Variants in GRIP1 observed in about 807,000 individuals in gnomAD.
GRIP1 encodes the protein glutamate receptor-interacting protein 1.
In GRIP1, 45 loss-of-function variants were observed where a neutral mutation model predicts 129.9. The observed-to-expected ratio is 0.35, with a 90% confidence interval of 0.27 to 0.44. The LOEUF (loss-of-function observed/expected upper bound fraction) is 0.44, where lower values mean the gene tolerates loss of function less well. Ranked by LOEUF, GRIP1 falls within the 20% of genes least tolerant of loss-of-function variation. The probability of loss-of-function intolerance (pLI) is 1.00; values close to 1 mark genes in which losing one functional copy is unlikely to be tolerated. For missense variants in GRIP1, 1,196 were observed against 1,396.8 expected (o/e 0.86, Z 2.29); for synonymous variants, 530 against 520.8 (o/e 1.02, Z -0.24).
chr12:66,714,865 C>A (rs1377389074), intron 1 of GRIP1, among the ~76,000 whole-genome samples: 2 of 146,852 alleles, frequency 1.4e-5, no homozygotes, highest in Admixed American at 1.4e-4. Flanking sequence ...TACCAACTCA[C>A]CCATCTATCC....
chr12:66,653,279 C>A (rs1182939771), intron 1 of GRIP1, among the ~76,000 whole-genome samples: 3 of 152,206 alleles, frequency 2.0e-5, no homozygotes, highest in African/African-American at 7.2e-5. Context: ...CCAAATATCT[C>A]TTTTTAGGTA....
intron 19 of GRIP1, among the ~76,000 whole-genome samples, chr12:66,390,778 A>G (rs2056553821): frequency 6.6e-6 from 1 of 152,248 alleles, no homozygotes; most frequent in Admixed American, 6.5e-5. Context: ...ACTCTGATAG[A>G]ATGTGACTTC....
At chr12:66,815,048 G>A (rs147714518) in intron 1 of GRIP1, among the ~76,000 whole-genome samples, 37 of 152,116 alleles carry the variant, frequency 2.4e-4, no homozygotes, top group Admixed American at 5.2e-4. Flanking sequence ...TTTGGGTGGG[G>A]GATAGCCAAA....
chr12:66,626,872 C>G (rs894486122), intron 1 of GRIP1: 13 of 152,404 alleles, frequency 8.5e-5, no homozygotes, highest in African/African-American at 2.9e-4. Flanking sequence ...GGCACTGATG[C>G]TATTTTGCCA....
At position 66,918,031 on chromosome 12, in the gene GRIP1, CCTCAACTG is replaced by C. The variant is rs2041155803; in HGVS notation, c.58+151011_58+151018del. On this transcript the variant is annotated intron_variant, in intron 1 of 1. Coordinates refer to the GRIP1 transcript ENST00000643019. ...AATTGGCTGACACATAAGAATTGGC[CCTCAACTG>C]AGTGGATGAAGCCCACCACATTAGT... Among the ~76,000 whole-genome samples the C allele has an allele frequency of 2.0e-5, 3 of 151,664 alleles. No homozygotes were observed. In the South Asian group the frequency reaches 6.3e-4, roughly 32 times the overall value.
At chr12:66,782,341 T>C (rs1466289026) in intron 1 of GRIP1, among the ~76,000 whole-genome samples, 1 of 152,170 alleles carries the variant, frequency 6.6e-6, no homozygotes, top group Non-Finnish European at 1.5e-5. Context: ...GAGCAGTTAG[T>C]GTTCACACAG....
upstream of GRIP1, among the ~76,000 whole-genome samples, chr12:66,808,389 C>T (rs540716771): frequency 2.9e-3 from 442 of 152,186 alleles, no homozygotes; most frequent in Non-Finnish European, 4.8e-3. Context: ...CCTCTTCCTC[C>T]CAGGTTCAAG....
Position 66,468,399 on chromosome 12 carries a change from G to A in GRIP1, c.725-2977C>T, listed in dbSNP as rs182884046. ...TATCGTATTTATGTGAGCATTGTGA[G>A]TTTGGGCCTTTGATACAATGACTGA... is the stretch of plus-strand genomic sequence containing the variant. On this transcript the variant is annotated intron_variant, in intron 7 of 24. Transcript: ENST00000359742. Among the ~76,000 whole-genome samples, 426 of 152,342 alleles carry A rather than the reference G, an allele frequency of 2.8e-3. 2 individuals are homozygous for A. The highest frequency in any genetic ancestry group is 2.0e-3 in the Non-Finnish European group (134 of 68,038).
At chr12:66,442,813 G>A (rs962811425) in intron 13 of GRIP1, among the ~76,000 whole-genome samples, 3 of 152,122 alleles carry the variant, frequency 2.0e-5, no homozygotes, top group Admixed American at 2.0e-4. Flanking sequence ...GGGGTTATAG[G>A]TGTAAGCCAC....
intron 1 of GRIP1, among the ~76,000 whole-genome samples, chr12:66,744,633 G>C (rs966952837): frequency 6.6e-6 from 1 of 152,096 alleles, no homozygotes; most frequent in Non-Finnish European, 1.5e-5. Flanking sequence ...TTCATTGCCT[G>C]GTTCTCCTAG....
At chr12:66,871,014 T>C (rs1432567173) in intron 1 of GRIP1, among the ~76,000 whole-genome samples, 4 of 152,090 alleles carry the variant, frequency 2.6e-5, no homozygotes, top group Admixed American at 2.6e-4. Context: ...TTGACCATAG[T>C]ATATGATCCT....
At chr12:66,366,235 C>T (rs947266658) in intron 23 of GRIP1, among the ~76,000 whole-genome samples, 5 of 152,194 alleles carry the variant, frequency 3.3e-5, no homozygotes, top group African/African-American at 1.2e-4. Context: ...AAGAAAGAAG[C>T]ATGTGCAAGA....
At chr12:66,408,600 C>A (rs1216002811) in intron 15 of GRIP1, among the ~76,000 whole-genome samples, 24 of 152,122 alleles carry the variant, frequency 1.6e-4, no homozygotes, top group Admixed American at 1.6e-3. Flanking sequence ...CCAGCACATT[C>A]CCAGCTGTGG....
At chr12:66,943,344 G>A (rs947097889) in intron 1 of GRIP1, among the ~76,000 whole-genome samples, 1 of 152,240 alleles carries the variant, frequency 6.6e-6, no homozygotes, top group Non-Finnish European at 1.5e-5. Flanking sequence ...CACTTGGGAT[G>A]AGGAGAGAGA....
At chr12:67,068,855 C>G (rs1422895248) in intron 1 of GRIP1, among the ~76,000 whole-genome samples, 1 of 16,828 alleles carries the variant, frequency 5.9e-5, no homozygotes, top group Non-Finnish European at 1.5e-4. Context: ...CTCATCCCGC[C>G]CCCCCCCCCC....
intron 1 of GRIP1, among the ~76,000 whole-genome samples, chr12:66,704,005 A>T (rs2035440895): frequency 6.6e-6 from 1 of 152,098 alleles, no homozygotes; most frequent in South Asian, 2.1e-4. Flanking sequence ...ATGAGAAGGT[A>T]CCCATGTGTC....
At chr12:66,974,617 A>C (rs7302539) in intron 1 of GRIP1, among the ~76,000 whole-genome samples, 1 of 152,200 alleles carries the variant, frequency 6.6e-6, no homozygotes. Flanking sequence ...TTTTTAAATA[A>C]GATATAAAAA....
intron 2 of GRIP1, among the ~76,000 whole-genome samples, chr12:66,559,722 A>T (rs905121112): frequency 6.6e-6 from 1 of 152,328 alleles, no homozygotes; most frequent in Non-Finnish European, 1.5e-5. Flanking sequence ...TGGAAGAATC[A>T]ATATTGTTAC....
intron 1 of GRIP1, among the ~76,000 whole-genome samples, chr12:66,650,073 C>CGGCA (rs1328411736): frequency 6.6e-6 from 1 of 152,160 alleles, no homozygotes; most frequent in African/African-American, 2.4e-5. Context: ...TCGTGCCCAA[C>CGGCA]GGCAGCTGAA....
Sources: gnomAD v4.1 joint callset for allele counts (sites outside exome capture counted in the v4.1 genomes callset) on GRCh38, gnomAD v4.1.1 for gene constraint, MANE v1.5 for transcripts, NCBI Gene and HGNC (gene_info 2026-07-23, HGNC 2026-07-21) for gene names.